KLHL1: variants seen among roughly 807,000 people sequenced by gnomAD.
KLHL1 encodes kelch-like protein 1.
A neutral mutation model predicts 77.7 loss-of-function variants in KLHL1; 47 were observed. That is an observed-to-expected ratio of 0.60 (90% CI 0.48 to 0.77). The LOEUF is 0.77. Ranked by LOEUF, KLHL1 falls within the 30% of genes least tolerant of loss-of-function variation. The probability of loss-of-function intolerance (pLI) is 0.00; values close to 1 mark genes in which losing one functional copy is unlikely to be tolerated. For synonymous variants in KLHL1, 360 were observed against 325.2 expected (o/e 1.11, Z -1.15); for missense variants, 925 against 910.8 (o/e 1.02, Z -0.20).
chr13:69,878,602 ATATAAT>A (rs561733134), intron 5 of KLHL1, among the ~76,000 whole-genome samples: 17 of 152,214 alleles, frequency 1.1e-4, no homozygotes, highest in African/African-American at 4.1e-4. Context: ...AATAAGCAAT[ATATAAT>A]TATATGTTAC....
intron 1 of KLHL1, among the ~76,000 whole-genome samples, chr13:69,992,198 T>A (rs1885044214): frequency 6.6e-6 from 1 of 152,078 alleles, no homozygotes; most frequent in African/African-American, 2.4e-5. Context: ...AATATTTGTG[T>A]CATTTTTTTC....
intron 8 of KLHL1, among the ~76,000 whole-genome samples, chr13:69,728,181 A>G (rs1328101009): frequency 1.3e-5 from 2 of 152,012 alleles, no homozygotes; most frequent in African/African-American, 4.8e-5. Context: ...TAAAATGTAT[A>G]CAATTTGGGG....
intron 4 of KLHL1, among the ~76,000 whole-genome samples, chr13:69,896,861 C>T (rs1881663691): frequency 2.0e-5 from 3 of 151,736 alleles, no homozygotes; most frequent in South Asian, 4.2e-4. Flanking sequence ...TTAATAGAAA[C>T]GGGGTTTCAC....
At chr13:69,745,073 A>C (rs1237146003) in intron 7 of KLHL1, among the ~76,000 whole-genome samples, 1 of 151,862 alleles carries the variant, frequency 6.6e-6, no homozygotes, top group Non-Finnish European at 1.5e-5. Context: ...TATTTCCCCC[A>C]GTAAAGGAGA....
chr13:69,861,258 GTC>G (rs1421995600), intron 5 of KLHL1, among the ~76,000 whole-genome samples: 7 of 152,002 alleles, frequency 4.6e-5, no homozygotes, highest in African/African-American at 1.7e-4. Flanking sequence ...TGCTGAAAAA[GTC>G]TGTTTATTTT....
chr13:70,000,508 C>T (rs920706463), intron 1 of KLHL1, among the ~76,000 whole-genome samples: 6 of 152,028 alleles, frequency 3.9e-5, no homozygotes, highest in African/African-American at 1.4e-4. Context: ...AGAACTATTG[C>T]ATATCAAAGT....
At chr13:69,947,466 T>C (rs1883568271) in intron 3 of KLHL1, among the ~76,000 whole-genome samples, 1 of 152,092 alleles carries the variant, frequency 6.6e-6, no homozygotes, top group South Asian at 2.1e-4. Flanking sequence ...TTGAAACATA[T>C]TTATTCAGTC....
intron 8 of KLHL1, among the ~76,000 whole-genome samples, chr13:69,727,866 A>C (rs1053260845): frequency 6.7e-6 from 1 of 149,384 alleles, no homozygotes; most frequent in African/African-American, 2.5e-5. Context: ...TTTTTTTTTA[A>C]TCTTTGCAAT....
At position 69,776,663 on chromosome 13, in the gene KLHL1, C is replaced by A. The variant is rs111931994; in HGVS notation, c.1639+20075G>T. 4.9e-4 allele frequency among the ~76,000 whole-genome samples: 74 copies of A among 151,926 alleles called. 1 individual carries two copies. Among genetic ancestry groups the A allele is most frequent in the African/African-American group, 1.7e-3 (71 of 41,446 alleles). On this transcript the variant is annotated intron_variant, in intron 7 of 10. Transcript: ENST00000377844. ...GTTGACACATGGAATATTTACATGC[C>A]CATGCAGGTTAAAGGCATTTGTTAA... is the stretch of plus-strand genomic sequence containing the variant.
At chr13:69,766,288 G>A (rs147291413) in intron 7 of KLHL1, among the ~76,000 whole-genome samples, 1,731 of 152,132 alleles carry the variant, frequency 0.011, 35 homozygotes, top group African/African-American at 0.039. Context: ...AACTACAAGA[G>A]TTGTTTTTCA....
chr13:69,833,378 G>A (rs760177191), intron 6 of KLHL1, among the ~76,000 whole-genome samples: 1 of 152,014 alleles, frequency 6.6e-6, no homozygotes, highest in East Asian at 1.9e-4. Flanking sequence ...CTAATGATCA[G>A]GGAAATGCAA....
intron 3 of KLHL1, among the ~76,000 whole-genome samples, chr13:69,948,523 G>A (rs947049802): frequency 1.3e-5 from 2 of 151,934 alleles, no homozygotes; most frequent in African/African-American, 4.8e-5. Flanking sequence ...TTTAAATAGG[G>A]TTCCAATAAG....
chr13:69,954,830 A>T (rs1883818326), intron 3 of KLHL1, among the ~76,000 whole-genome samples: 1 of 150,576 alleles, frequency 6.6e-6, no homozygotes, highest in African/African-American at 2.5e-5. Context: ...TTTTAAACAT[A>T]TATATGCATA....
At chr13:70,045,327 A>G (rs1886468337) in intron 1 of KLHL1, among the ~76,000 whole-genome samples, 1 of 152,122 alleles carries the variant, frequency 6.6e-6, no homozygotes, top group Admixed American at 6.6e-5. Flanking sequence ...TTTTTGCTGT[A>G]CAGTTTCTCA....
chr13:69,991,399 A>G (rs1418713603), intron 1 of KLHL1, among the ~76,000 whole-genome samples: 1 of 151,750 alleles, frequency 6.6e-6, no homozygotes, highest in Non-Finnish European at 1.5e-5. Flanking sequence ...AATGACAACA[A>G]CAACAACAAC....
intron 1 of KLHL1, among the ~76,000 whole-genome samples, chr13:70,017,630 A>G (rs1885690493): frequency 6.6e-6 from 1 of 152,220 alleles, no homozygotes; most frequent in Non-Finnish European, 1.5e-5. Context: ...GAGTAGGCAG[A>G]ATGAGCCCAG....
intron 1 of KLHL1, among the ~76,000 whole-genome samples, chr13:70,056,607 G>T (rs1886751111): frequency 6.6e-6 from 1 of 152,038 alleles, no homozygotes; most frequent in Admixed American, 6.6e-5. Flanking sequence ...TTTAAAAATT[G>T]AAACTTTATC....
intron 4 of KLHL1, among the ~76,000 whole-genome samples, chr13:69,898,238 C>T (rs1008866994): frequency 1.3e-5 from 2 of 152,222 alleles, no homozygotes; most frequent in Non-Finnish European, 2.9e-5. Flanking sequence ...CCTTCCTGCC[C>T]TCCCAGTAAG....
chr13:69,743,780 T>G (rs577675247), intron 7 of KLHL1, among the ~76,000 whole-genome samples: 1 of 141,406 alleles, frequency 7.1e-6, no homozygotes, highest in Admixed American at 7.2e-5. Flanking sequence ...AGTGAGATTT[T>G]GTCTCAAAAA....
Sources: allele counts gnomAD v4.1 joint callset (sites outside exome capture counted in the v4.1 genomes callset), GRCh38; gene constraint gnomAD v4.1.1; transcripts MANE v1.5; gene names NCBI Gene and HGNC (gene_info 2026-07-23, HGNC 2026-07-21).